The following MRC2 variants were observed in gnomAD, a reference collection of about 807,000 sequenced individuals.
MRC2 encodes the protein mannose receptor C-type 2.
A neutral mutation model predicts 206.2 loss-of-function variants in MRC2; 84 were observed. The ratio of observed to expected loss-of-function variants is 0.41; its 90% confidence interval spans 0.34 to 0.49. The LOEUF is 0.49. Among genes scored for constraint, MRC2 ranks in the 20% least tolerant of loss-of-function variants. The pLI is 0.31. For missense variants in MRC2, 1,676 were observed against 2,001.5 expected (o/e 0.84, Z 3.10); for synonymous variants, 798 against 800.0 (o/e 1.00, Z 0.04).
intron 18 of MRC2, 86 bp from the exon 19 acceptor site, chr17:62,681,751 C>G (rs1291403178): frequency 6.6e-6 from 7 of 1,057,696 alleles, no homozygotes; most frequent in Non-Finnish European, 8.5e-6. Flanking sequence ...TTCCCTGCCC[C>G]CATTCCTGCG....
In MRC2 at chr17:62,692,511, G is replaced by A; in HGVS notation, c.*60G>A. ...GCTGGGGAGCTGGGGCCCTGGGTCA[G>A]TCTGGCCCCCCACCAGCTGCCTGTC... On this transcript the variant is annotated 3_prime_UTR_variant, in exon 30 of 30. Transcript: ENST00000303375. The surrounding 1 kb of genome is among the most constrained non-coding windows in gnomAD (Gnocchi z 4.2). 1 of 1,479,602 alleles carries A rather than the reference G, an allele frequency of 6.8e-7. No homozygotes were observed. The highest frequency in any genetic ancestry group is 9.1e-7 in the Non-Finnish European group (1 of 1,094,936). The allele number at this position is 1,479,602 out of a possible 1,614,324, so 91.7% of individuals were successfully genotyped here.
At chr17:62,629,412 G>C (rs1012368533) in intron 1 of MRC2, among the ~76,000 whole-genome samples, 1 of 152,198 alleles carries the variant, frequency 6.6e-6, no homozygotes, top group Non-Finnish European at 1.5e-5. Flanking sequence ...GGACAAGGAC[G>C]CCTGGAGTGT....
intron 1 of MRC2, among the ~76,000 whole-genome samples, chr17:62,659,162 A>T (rs1413221822): frequency 6.6e-6 from 1 of 152,110 alleles, no homozygotes; most frequent in Non-Finnish European, 1.5e-5. Context: ...TAGGACGCTC[A>T]TCCTATCCAT....
chr17:62,684,761 A>G (rs2089011536), intron 20 of MRC2, among the ~76,000 whole-genome samples: 1 of 152,224 alleles, frequency 6.6e-6, no homozygotes, highest in Non-Finnish European at 1.5e-5. Flanking sequence ...ACACTGAATA[A>G]TATAATCCAC....
In MRC2 at chr17:62,675,724, T is replaced by G; in HGVS notation, c.1570-66T>G. On this transcript the variant is annotated intron_variant, in intron 9 of 29. Transcript: ENST00000303375. The surrounding 1 kb of genome is among the most constrained non-coding windows in gnomAD (Gnocchi z 4.1). The stretch of plus-strand genomic sequence containing the variant: ...CCTGATGGCATCTCCCACCACAGGA[T>G]TTATGGGTGAGGGTGGAGAGTCATC... The G allele has an allele frequency of 1.6e-6, 2 of 1,282,078 alleles. No homozygotes were observed. Among genetic ancestry groups the G allele is most frequent in the Non-Finnish European group, 2.3e-6 (2 of 881,726 alleles). 79.4% of individuals were successfully genotyped at this position (1,282,078 alleles called of 1,614,324 possible). A position where few individuals can be genotyped will look rare whatever the true frequency, so the allele number is the denominator to read the frequency against.
intron 28 of MRC2, 74 bp downstream of exon 28, chr17:62,691,202 G>C: frequency 6.7e-7 from 1 of 1,483,852 alleles, no homozygotes. Context: ...GCTGGGGGCT[G>C]CTTCACAACT....
At chr17:62,677,153 GA>G in intron 11 of MRC2, 115 bp from the exon 12 acceptor site, 1 of 791,440 alleles carries the variant, frequency 1.3e-6, no homozygotes, top group Non-Finnish European at 2.0e-6. Flanking sequence ...TGTCTCTGAA[GA>G]GGTGGCCAAG....
intron 11 of MRC2, 74 bp from the exon 12 acceptor site, chr17:62,677,195 C>G: frequency 3.1e-6 from 4 of 1,298,840 alleles, no homozygotes; most frequent in Non-Finnish European, 4.2e-6. Flanking sequence ...CGTGCTAGTG[C>G]CCTGCCGGGA....
chr17:62,691,273 C>G, intron 28 of MRC2, 145 bp downstream of exon 28: 1 of 944,486 alleles, frequency 1.1e-6, no homozygotes, highest in Non-Finnish European at 1.5e-6. Flanking sequence ...CTGGGACCCC[C>G]GGGATAAATT....
rs547713459 is a variant in MRC2, at chr17:62,628,886, T to C, written c.118+966T>C. 6.6e-3 allele frequency among the ~76,000 whole-genome samples: 1,003 copies of C among 152,118 alleles called. 3 individuals carry two copies. The highest frequency in any genetic ancestry group is 0.016 in the South Asian group (79 of 4,816). On this transcript the variant is annotated intron_variant, in intron 1 of 29. Transcript: ENST00000303375. ...CAGCTTGGTCCTGCTGGCTGTTTAA[T>C]TGGGGGATGGGGACAGTCCGTGCAG...
At chr17:62,632,436 TTC>T (rs1354268980) in intron 1 of MRC2, among the ~76,000 whole-genome samples, 1 of 152,178 alleles carries the variant, frequency 6.6e-6, no homozygotes, top group East Asian at 1.9e-4. Flanking sequence ...TCCTCCTGAT[TTC>T]TCTTTCTCTG....
At chr17:62,637,950 G>C (rs527368223) in intron 1 of MRC2, among the ~76,000 whole-genome samples, 17 of 152,198 alleles carry the variant, frequency 1.1e-4, no homozygotes, top group African/African-American at 3.6e-4. Flanking sequence ...CGGGAGCCTC[G>C]ACCTCCTGGG....
In MRC2 at chr17:62,664,819, G is replaced by C; in HGVS notation, c.390G>C (p.Leu130=). Residue 130 remains leucine (L), a synonymous_variant, in exon 2 of 30, where the codon CTG becomes CTC. Transcript: ENST00000303375. This position sits in a 1 kb window ranked among gnomAD's most constrained non-coding sequence, Gnocchi z 4.7. ...RWHCRTLGDQ[L]SLLLGARTSN... is the part of the protein sequence containing the mutation. Reference sequence around the variant, plus strand: ...ATTGTCGTACACTGGGTGACCAGCTGTCCTTGCTCCTGGGGGCCCGCACCA... The same window carrying C: ...ATTGTCGTACACTGGGTGACCAGCTCTCCTTGCTCCTGGGGGCCCGCACCA... The C allele has an allele frequency of 6.2e-7, 1 of 1,613,882 alleles. No homozygotes were observed. The highest frequency in any genetic ancestry group is 8.5e-7 in the Non-Finnish European group (1 of 1,180,028).
In MRC2 at chr17:62,692,482, A is replaced by G. The variant is rs1568074544; in HGVS notation, c.*31A>G. On this transcript the variant is annotated 3_prime_UTR_variant, in exon 30 of 30. Transcript: ENST00000303375. This position sits in a 1 kb window ranked among gnomAD's most constrained non-coding sequence, Gnocchi z 4.2. ...GGCGCGTGGGCAGGGCCAGGGCGGG[A>G]GGAGCTGGGGAGCTGGGGCCCTGGG... 1.3e-6 allele frequency: 2 copies of G among 1,538,606 alleles called. No homozygotes were observed. The highest frequency in any genetic ancestry group is 1.8e-6 in the Non-Finnish European group (2 of 1,138,068).
chr17:62,649,351 G>C (rs1239495983), intron 1 of MRC2, among the ~76,000 whole-genome samples: 1 of 152,260 alleles, frequency 6.6e-6, no homozygotes, highest in South Asian at 2.1e-4. Context: ...AGCACTTTGG[G>C]AGGCTGAGGC....
rs370724933 is a variant in MRC2 at position 62,646,492 on chromosome 17, CTG to C, written c.119-18052_119-18051del. Among the ~76,000 whole-genome samples the C allele has an allele frequency of 3.6e-3, 545 of 152,326 alleles. 6 individuals are homozygous for C. Among genetic ancestry groups the C allele is most frequent in the African/African-American group, 0.013 (529 of 41,570 alleles). On this transcript the variant is annotated intron_variant, in intron 1 of 29. Coordinates refer to ENST00000303375, the MANE Select transcript of MRC2 (RefSeq NM_006039.5). ...CTCATTGTCACTGATAGAAGTGTCA[CTG>C]TGTACATCGTAGCACACCAGACTCC...
intron 1 of MRC2, among the ~76,000 whole-genome samples, chr17:62,649,021 G>A (rs1478994805): frequency 6.6e-6 from 1 of 152,224 alleles, no homozygotes; most frequent in East Asian, 1.9e-4. Flanking sequence ...CAGAAACCCA[G>A]GAGACAGGTC....
At chr17:62,674,525 G>A (rs1468920266) in intron 9 of MRC2, among the ~76,000 whole-genome samples, 1 of 152,190 alleles carries the variant, frequency 6.6e-6, no homozygotes, top group African/African-American at 2.4e-5. Flanking sequence ...CTGCCGAAGT[G>A]AAGTGTGGCC....
chr17:62,651,330 C>A (rs6504117), intron 1 of MRC2, among the ~76,000 whole-genome samples: 11,455 of 152,114 alleles, frequency 0.075, 1,406 homozygotes, highest in African/African-American at 0.26. Context: ...GATCCACCCA[C>A]CTCGGCCTCC....
Sources: gnomAD v4.1 joint callset for allele counts (sites outside exome capture counted in the v4.1 genomes callset) on GRCh38, gnomAD v4.1.1 for gene constraint, Gnocchi (gnomAD v3.1) non-coding constraint, MANE v1.5 for transcripts, NCBI Gene and HGNC (gene_info 2026-07-23, HGNC 2026-07-21) for gene names.